Variants in FOXP1 observed in about 807,000 individuals in gnomAD.
FOXP1 encodes the protein forkhead box P1.
In FOXP1, 15 loss-of-function variants were observed where a neutral mutation model predicts 98.2. That is an observed-to-expected ratio of 0.15 (90% confidence interval 0.10 to 0.24). FOXP1 has a LOEUF of 0.24. Ranked by LOEUF, FOXP1 falls within the 10% of genes least tolerant of loss-of-function variation. The probability of loss-of-function intolerance (pLI) is 1.00; values close to 1 mark genes in which losing one functional copy is unlikely to be tolerated. For missense variants in FOXP1, 633 were observed against 848.5 expected (o/e 0.75, Z 3.15); for synonymous variants, 371 against 314.5 (o/e 1.18, Z -1.90).
At position 71,404,392 on chromosome 3, in the gene FOXP1, G is replaced by T. The variant is rs193214245; in HGVS notation, c.-167-45148C>A. 4.3e-4 allele frequency among the ~76,000 whole-genome samples: 66 copies of T among 151,984 alleles called. 1 individual carries two copies. In the Middle Eastern group the frequency reaches 0.017, roughly 39 times the overall value. ...TCCGCCCACCTCAGTCTCCCAAAGT[G>T]CTGGGATTACAGGCATGAGCCACCA... On this transcript the variant is annotated intron_variant, in intron 3 of 20. Transcript: ENST00000649528.
intron 3 of FOXP1, among the ~76,000 whole-genome samples, chr3:71,427,826 C>T (rs1323759460): frequency 2.0e-5 from 3 of 152,140 alleles, no homozygotes; most frequent in Admixed American, 1.3e-4. Flanking sequence ...ATGCAGGCAA[C>T]CCAGGAAGAT....
intron 4 of FOXP1, among the ~76,000 whole-genome samples, chr3:71,326,300 G>A (rs990223919): frequency 6.6e-6 from 1 of 152,168 alleles, no homozygotes; most frequent in African/African-American, 2.4e-5. Flanking sequence ...ATTTGGAAGA[G>A]TTGTCCTGTA....
At chr3:71,002,963 T>A (rs1017591089) in intron 12 of FOXP1, among the ~76,000 whole-genome samples, 1 of 152,200 alleles carries the variant, frequency 6.6e-6, no homozygotes, top group African/African-American at 2.4e-5. Flanking sequence ...CAGGACCCAG[T>A]GGACTCCCTG....
intron 6 of FOXP1, among the ~76,000 whole-genome samples, chr3:71,132,658 C>T (rs1034674083): frequency 6.6e-6 from 1 of 152,140 alleles, no homozygotes; most frequent in Admixed American, 6.5e-5. Flanking sequence ...TTTTGCAGCA[C>T]GCTTGGATTT....
rs180888760 is a variant in FOXP1, at chr3:71,345,222, T to C, written c.-73+13928A>G. On this transcript the variant is annotated intron_variant, in intron 4 of 20. Transcript: ENST00000649528. ...GGCCAACATGGTGAAACCATGTCTC[T>C]ACTAAAAATACAAAAATTCGCTGGG... 1.1e-4 allele frequency among the ~76,000 whole-genome samples: 16 copies of C among 152,130 alleles called. No individual in the cohort carries two copies. In the East Asian group the frequency reaches 2.9e-3, roughly 28 times the overall value.
At position 71,111,679 on chromosome 3, in the gene FOXP1, G is replaced by A. The variant is rs1231098417; in HGVS notation, c.282+857C>T. Among the ~76,000 whole-genome samples the A allele has an allele frequency of 1.1e-4, 16 of 152,256 alleles. 1 individual carries two copies. Among genetic ancestry groups the A allele is most frequent in the Admixed American group, 7.2e-4 (11 of 15,300 alleles). On this transcript the variant is annotated intron_variant, in intron 7 of 20. Transcript: ENST00000649528. ...TTCCCAAAGTGCTGGGATTACAGGC[G>A]TGAGCCACCATGCCTGGCCCCAAAT...
chr3:70,974,160 GACAC>G (rs1473932165), intron 17 of FOXP1, among the ~76,000 whole-genome samples: 5 of 152,012 alleles, frequency 3.3e-5, no homozygotes, highest in African/African-American at 1.2e-4. Flanking sequence ...ACTATGAAAG[GACAC>G]TCCTGATTCA....
chr3:71,169,457 G>A (rs936197310), intron 6 of FOXP1, among the ~76,000 whole-genome samples: 1 of 152,112 alleles, frequency 6.6e-6, no homozygotes, highest in African/African-American at 2.4e-5. Context: ...CCTCCAGGGA[G>A]AGCCTAATGC....
chr3:71,237,516 G>T (rs1199253836), intron 5 of FOXP1, among the ~76,000 whole-genome samples: 1 of 152,142 alleles, frequency 6.6e-6, no homozygotes, highest in Non-Finnish European at 1.5e-5. Flanking sequence ...ATCCTGGCCT[G>T]GAAGAGTTTC....
intron 5 of FOXP1, chr3:71,296,303 T>C (rs750007976): frequency 6.6e-6 from 1 of 152,234 alleles, no homozygotes; most frequent in Non-Finnish European, 1.5e-5. Flanking sequence ...GTGTGAAAGA[T>C]GATGCTGATT....
At chr3:71,147,014 T>C (rs1364682023) in intron 6 of FOXP1, among the ~76,000 whole-genome samples, 1 of 152,240 alleles carries the variant, frequency 6.6e-6, no homozygotes, top group African/African-American at 2.4e-5. Context: ...AAGCCCCTCG[T>C]GCTCCAAGTT....
At chr3:71,060,692 TAAC>T (rs1234144929) in intron 7 of FOXP1, among the ~76,000 whole-genome samples, 2 of 152,136 alleles carry the variant, frequency 1.3e-5, no homozygotes, top group African/African-American at 2.4e-5. Context: ...AAGTACAAAA[TAAC>T]AAGCCCTTGA....
chr3:71,061,048 G>C (rs2051400249), intron 7 of FOXP1, among the ~76,000 whole-genome samples: 1 of 151,940 alleles, frequency 6.6e-6, no homozygotes, highest in Admixed American at 6.6e-5. Context: ...GATAATTCAA[G>C]TCTCCACAAT....
intron 3 of FOXP1, among the ~76,000 whole-genome samples, chr3:71,460,140 T>C (rs768406897): frequency 6.6e-6 from 1 of 152,028 alleles, no homozygotes; most frequent in Non-Finnish European, 1.5e-5. Context: ...TTCACTGTGT[T>C]AGCCAGGATG....
intron 3 of FOXP1, among the ~76,000 whole-genome samples, chr3:71,451,503 G>C (rs2086953208): frequency 1.3e-5 from 2 of 152,014 alleles, no homozygotes; most frequent in Non-Finnish European, 2.9e-5. Flanking sequence ...ATTTTCGTAT[G>C]TGTTTTAGAT....
chr3:71,454,875 T>C (rs1169698572), intron 3 of FOXP1, among the ~76,000 whole-genome samples: 1 of 151,886 alleles, frequency 6.6e-6, no homozygotes, highest in Non-Finnish European at 1.5e-5. Context: ...GGCACTCAGG[T>C]AGTCCTAGGG....
At position 71,091,129 on chromosome 3, in the gene FOXP1, G is replaced by GTGTGTGTA. The variant is rs3064142; in HGVS notation, c.282+21406_282+21407insTACACACA. ...TGTGTGTGTGTGTGTGTGTGTGTGT[G>GTGTGTGTA]TGTATTCTTAAATTAATCCTCTGAA... is the stretch of plus-strand genomic sequence containing the variant. On this transcript the variant is annotated intron_variant, in intron 7 of 20. Coordinates refer to ENST00000649528, the MANE Select transcript of FOXP1 (RefSeq NM_001349338.3). Among the ~76,000 whole-genome samples the GTGTGTGTA allele has an allele frequency of 6.7e-3, 825 of 122,378 alleles. 12 individuals carry two copies. Among genetic ancestry groups the GTGTGTGTA allele is most frequent in the African/African-American group, 0.022 (755 of 34,744 alleles). 80.3% of individuals were successfully genotyped at this position (122,378 alleles called of 152,430 possible).
intron 5 of FOXP1, among the ~76,000 whole-genome samples, chr3:71,231,180 T>C (rs768309716): frequency 1.2e-4 from 18 of 152,208 alleles, no homozygotes; most frequent in Non-Finnish European, 2.2e-4. Context: ...TTTACTTAAA[T>C]GAACCATGAA....
chr3:71,205,011 T>A (rs2063928396), intron 5 of FOXP1, among the ~76,000 whole-genome samples: 1 of 152,144 alleles, frequency 6.6e-6, no homozygotes, highest in Admixed American at 6.5e-5. Context: ...TTTTCATAAT[T>A]ATAACAGAAA....
Sources: gnomAD v4.1 joint callset for allele counts (sites outside exome capture counted in the v4.1 genomes callset) on GRCh38, gnomAD v4.1.1 for gene constraint, MANE v1.5 for transcripts, NCBI Gene and HGNC (gene_info 2026-07-23, HGNC 2026-07-21) for gene names.